LRRTM4: variants seen among roughly 807,000 people sequenced by gnomAD.
LRRTM4 encodes the protein leucine rich repeat transmembrane neuronal 4.
Under a neutral mutation model 47.6 loss-of-function variants are expected in LRRTM4, and 25 were observed. The ratio of observed to expected loss-of-function variants is 0.53; its 90% confidence interval spans 0.38 to 0.73. The LOEUF (loss-of-function observed/expected upper bound fraction) is 0.73, where lower values mean the gene tolerates loss of function less well. Ranked by LOEUF, LRRTM4 falls within the 30% of genes least tolerant of loss-of-function variation. LRRTM4 has a pLI of 0.00. For missense variants in LRRTM4, 638 were observed against 713.4 expected, an observed-to-expected ratio of 0.89 and a Z score of 1.20; for synonymous variants, 311 against 269.5, an observed-to-expected ratio of 1.15 and a Z score of -1.51.
chr2:77,462,478 C>A (rs79521209), intron 3 of LRRTM4, among the ~76,000 whole-genome samples: 1 of 152,026 alleles, frequency 6.6e-6, no homozygotes, highest in Non-Finnish European at 1.5e-5. Flanking sequence ...CTTCAACTTC[C>A]TGACACAGCC....
chr2:77,194,923 A>C (rs1489465904), intron 3 of LRRTM4, among the ~76,000 whole-genome samples: 2 of 152,120 alleles, frequency 1.3e-5, no homozygotes, highest in African/African-American at 4.8e-5. Context: ...AAAAAAAACA[A>C]GGAAATTTAT....
At chr2:76,853,348 TTC>T (rs1160466149) in intron 3 of LRRTM4, among the ~76,000 whole-genome samples, 1 of 152,134 alleles carries the variant, frequency 6.6e-6, no homozygotes, top group African/African-American at 2.4e-5. Flanking sequence ...TGTTTTTCCT[TTC>T]TTTTTCTTTT....
At chr2:76,939,381 A>G (rs563645836) in intron 3 of LRRTM4, among the ~76,000 whole-genome samples, 3 of 152,288 alleles carry the variant, frequency 2.0e-5, no homozygotes, top group African/African-American at 7.2e-5. Context: ...TCAACAGTAA[A>G]TGGGCAAAAA....
chr2:77,301,016 A>T (rs2104163560), intron 3 of LRRTM4, among the ~76,000 whole-genome samples: 1 of 152,026 alleles, frequency 6.6e-6, no homozygotes, highest in African/African-American at 2.4e-5. Context: ...CCTTTTTTTT[A>T]AATTAACAGG....
intron 3 of LRRTM4, among the ~76,000 whole-genome samples, chr2:76,999,298 A>C (rs909264299): frequency 3.3e-5 from 5 of 152,000 alleles, no homozygotes; most frequent in African/African-American, 1.2e-4. Context: ...TCAAGTGAAC[A>C]GTTTCAGAAA....
intron 3 of LRRTM4, among the ~76,000 whole-genome samples, chr2:77,261,838 G>A (rs1268639597): frequency 1.3e-5 from 2 of 152,040 alleles, no homozygotes; most frequent in Non-Finnish European, 2.9e-5. Context: ...CATTACAGTA[G>A]AGGTCCTATA....
chr2:77,017,728 TAGAAG>T (rs778211574), intron 3 of LRRTM4, among the ~76,000 whole-genome samples: 2 of 152,078 alleles, frequency 1.3e-5, no homozygotes, highest in East Asian at 1.9e-4. Context: ...GAAAAATAAA[TAGAAG>T]AGGAGAATAA....
At chr2:76,906,100 G>A (rs1444040910) in intron 3 of LRRTM4, among the ~76,000 whole-genome samples, 4 of 152,162 alleles carry the variant, frequency 2.6e-5, no homozygotes, top group Admixed American at 6.5e-5. Flanking sequence ...CAGAGAGAAA[G>A]GTCGGGTTAC....
chr2:77,011,400 A>G (rs188332875), intron 3 of LRRTM4, among the ~76,000 whole-genome samples: 11 of 151,594 alleles, frequency 7.3e-5, no homozygotes, highest in African/African-American at 2.4e-4. Context: ...ATAGGGACTT[A>G]TTATTGGGAT....
intron 3 of LRRTM4, among the ~76,000 whole-genome samples, chr2:77,485,757 T>A (rs539018328): frequency 6.6e-6 from 1 of 152,132 alleles, no homozygotes; most frequent in African/African-American, 2.4e-5. Context: ...TTAAACAAGG[T>A]CTCACTCCCA....
At chr2:77,286,432 T>A (rs566698589) in intron 3 of LRRTM4, among the ~76,000 whole-genome samples, 1 of 151,870 alleles carries the variant, frequency 6.6e-6, no homozygotes, top group Non-Finnish European at 1.5e-5. Flanking sequence ...TAAAAATAGT[T>A]AAAATCTTTT....
At chr2:76,962,526 G>A (rs909354426) in intron 3 of LRRTM4, among the ~76,000 whole-genome samples, 11 of 150,170 alleles carry the variant, frequency 7.3e-5, no homozygotes, top group South Asian at 4.2e-4. Flanking sequence ...TTTTTGTCTA[G>A]GGAGAGAAAC....
intron 3 of LRRTM4, among the ~76,000 whole-genome samples, chr2:77,346,896 T>C (rs1444385326): frequency 3.3e-5 from 5 of 152,112 alleles, no homozygotes; most frequent in East Asian, 3.9e-4. Context: ...TTCTTTAATA[T>C]GCACTACTCA....
chr2:77,208,820 A>G (rs1674212849), intron 3 of LRRTM4, among the ~76,000 whole-genome samples: 1 of 152,196 alleles, frequency 6.6e-6, no homozygotes, highest in Non-Finnish European at 1.5e-5. Context: ...CTGGAACGGT[A>G]CTTATATTTG....
At chr2:77,307,230 A>G (rs1677306660) in intron 3 of LRRTM4, among the ~76,000 whole-genome samples, 1 of 151,922 alleles carries the variant, frequency 6.6e-6, no homozygotes, top group South Asian at 2.1e-4. Context: ...TTTGAGTTCT[A>G]AAATTTGATA....
intron 3 of LRRTM4, among the ~76,000 whole-genome samples, chr2:76,873,488 G>GTATATATA (rs1243321155): frequency 8.8e-5 from 11 of 125,368 alleles, no homozygotes; most frequent in African/African-American, 3.1e-4. Context: ...ATATATGTGT[G>GTATATATA]TGTGTATATA....
chr2:76,807,023 A>AT (rs1676002459), intron 3 of LRRTM4, among the ~76,000 whole-genome samples: 1 of 152,166 alleles, frequency 6.6e-6, no homozygotes, highest in South Asian at 2.1e-4. Context: ...ATTTAAAAAC[A>AT]TTTTTGTAAC....
chr2:77,429,725 A>G (rs35120467), intron 3 of LRRTM4, among the ~76,000 whole-genome samples: 64,850 of 151,940 alleles, frequency 0.43, 14,955 homozygotes, highest in African/African-American at 0.62. Context: ...GGGTGGGGGA[A>G]ATATTGATCA....
At chr2:77,436,247 C>T (rs1356279754) in intron 3 of LRRTM4, among the ~76,000 whole-genome samples, 5 of 152,072 alleles carry the variant, frequency 3.3e-5, no homozygotes, top group African/African-American at 4.8e-5. Flanking sequence ...TGAATAAAGT[C>T]TAGTATGTTA....
Sources: allele counts gnomAD v4.1 joint callset (sites outside exome capture counted in the v4.1 genomes callset), GRCh38; gene constraint gnomAD v4.1.1; transcripts MANE v1.5; gene names NCBI Gene and HGNC (gene_info 2026-07-23, HGNC 2026-07-21).